The following MAP3K14 variants were observed in gnomAD, a reference collection of about 807,000 sequenced individuals.
The protein encoded by MAP3K14 is mitogen-activated protein kinase kinase kinase 14.
MAP3K14 carries 16 observed loss-of-function variants against 99.2 expected under a neutral mutation model. The ratio of observed to expected loss-of-function variants is 0.16; its 90% CI spans 0.11 to 0.24. The LOEUF is 0.24. Among genes scored for constraint, MAP3K14 ranks in the 10% least tolerant of loss-of-function variants. The pLI is 1.00. For synonymous variants in MAP3K14, 462 were observed against 492.4 expected (o/e 0.94, Z 0.82); for missense variants, 784 against 1,208.7 (o/e 0.65, Z 5.21).
At chr17:45,309,298 G>A (rs751418331) in intron 1 of MAP3K14, among the ~76,000 whole-genome samples, 2 of 152,210 alleles carry the variant, frequency 1.3e-5, no homozygotes, top group South Asian at 2.1e-4. Flanking sequence ...AATCCGAGAC[G>A]CTCTACGCCT....
chr17:45,294,587 A>G (rs993237218), intron 1 of MAP3K14, among the ~76,000 whole-genome samples: 3 of 152,234 alleles, frequency 2.0e-5, no homozygotes, highest in Admixed American at 6.5e-5. Context: ...TTCTGGCTCT[A>G]TTCTTCCACT....
At position 45,287,223 on chromosome 17, in the gene MAP3K14, A is replaced by G; in HGVS notation, c.468T>C (p.His156=). Residue 156 remains histidine (H), a synonymous_variant, in exon 4 of 16, where the codon CAT becomes CAC. Coordinates refer to ENST00000344686, the MANE Select transcript of MAP3K14 (RefSeq NM_003954.5). ...RKKKSSKSLA[H]AGVALAKPLP... ...GGGGTTTGGCCAAGGCCACTCCTGC[A>G]TGAGCCAGGGACTTTGAGCTCTTCT... 1 of 1,614,018 alleles carries G rather than the reference A, an allele frequency of 6.2e-7. No individual in the cohort carries two copies.
intron 11 of MAP3K14, among the ~76,000 whole-genome samples, chr17:45,268,922 C>T (rs1304009261): frequency 6.6e-6 from 1 of 152,192 alleles, no homozygotes; most frequent in Non-Finnish European, 1.5e-5. Flanking sequence ...GCCTTGTCCA[C>T]ATGCCCATCA....
At chr17:45,310,358 C>T (rs544071632) in intron 1 of MAP3K14, among the ~76,000 whole-genome samples, 12 of 152,294 alleles carry the variant, frequency 7.9e-5, no homozygotes, top group South Asian at 2.1e-4. Flanking sequence ...TAACTGGCAA[C>T]CACATCCTCA....
chr17:45,267,830 C>G lies in MAP3K14; in HGVS notation c.1973-71G>C, dbSNP rs2044107964. ...AGACAGCGGTCCAGGCAGGAGCGGC[C>G]TCTCCTGAGTGCAGAAGGGCTAGAG... is the stretch of plus-strand genomic sequence containing the variant. On this transcript the variant is annotated intron_variant, in intron 11 of 15. Coordinates refer to ENST00000344686, the MANE Select transcript of MAP3K14 (RefSeq NM_003954.5). This position sits in a 1 kb window ranked among gnomAD's most constrained non-coding sequence, Gnocchi z 5.1. The G allele has an allele frequency of 7.4e-7, 1 of 1,347,144 alleles. No homozygotes were observed. The highest frequency in any genetic ancestry group is 1.0e-6 in the Non-Finnish European group (1 of 968,114). 83.4% of individuals were successfully genotyped at this position (1,347,144 alleles called of 1,614,324 possible). A position where few individuals can be genotyped will look rare whatever the true frequency, so the allele number is the denominator to read the frequency against.
At chr17:45,313,298 T>C (rs1275406241) in intron 1 of MAP3K14, among the ~76,000 whole-genome samples, 1 of 151,962 alleles carries the variant, frequency 6.6e-6, no homozygotes. Flanking sequence ...ACTACTACTA[T>C]TACTACCACC....
At chr17:45,282,549 T>C (rs1411724750) in intron 6 of MAP3K14, among the ~76,000 whole-genome samples, 7 of 92,740 alleles carry the variant, frequency 7.5e-5, no homozygotes, top group Non-Finnish European at 1.2e-4. Flanking sequence ...AGCGAGATCC[T>C]GTCTCAAAAA....
intron 1 of MAP3K14, among the ~76,000 whole-genome samples, chr17:45,312,152 T>C (rs890841630): frequency 6.6e-6 from 1 of 152,212 alleles, no homozygotes; most frequent in Non-Finnish European, 1.5e-5. Flanking sequence ...CCTGCATGGG[T>C]GACTCACCTT....
At position 45,286,502 on chromosome 17, in the gene MAP3K14, C is replaced by G; in HGVS notation, c.1081G>C (p.Ala361Pro). The G allele has an allele frequency of 6.2e-7, 1 of 1,606,650 alleles. No individual in the cohort carries two copies. The highest frequency in any genetic ancestry group is 8.5e-7 in the Non-Finnish European group (1 of 1,176,670). Residue 361 changes from alanine (A) to proline (P), a missense_variant, in exon 5 of 16, where the codon GCA becomes CCA. This residue lies in a region of MAP3K14 where 138 missense variants were observed against 164.1 expected (regional missense o/e 0.84). Coordinates refer to ENST00000344686, the MANE Select transcript of MAP3K14 (RefSeq NM_003954.5). This position sits in a 1 kb window ranked among gnomAD's most constrained non-coding sequence, Gnocchi z 4.1. ...HSLTSLAKTW[A>P]ARGSRSREPS... ...TCCCGGGATCTGGAGCCCCTTGCTG[C>G]CCAGGTCTTGGCCAGGCTGGTCAGG...
intron 1 of MAP3K14, among the ~76,000 whole-genome samples, chr17:45,307,285 T>A (rs1026212425): frequency 1.3e-5 from 2 of 151,848 alleles, no homozygotes; most frequent in Admixed American, 1.3e-4. Context: ...AATTAATTAA[T>A]TAATTAATTA....
intron 1 of MAP3K14, among the ~76,000 whole-genome samples, chr17:45,304,734 CAT>C (rs1476905138): frequency 2.0e-5 from 3 of 152,314 alleles, no homozygotes; most frequent in Admixed American, 6.5e-5. Context: ...TTTCTTCCAA[CAT>C]ATTACTTACT....
Position 45,274,129 on chromosome 17 carries a change from C to T in MAP3K14, c.1546G>A (p.Val516Ile), listed in dbSNP as rs367938510. The T allele has an allele frequency of 1.7e-3, 2,669 of 1,609,690 alleles. 6 individuals carry two copies. Among genetic ancestry groups the T allele is most frequent in the South Asian group, 2.9e-3 (257 of 90,036 alleles). Reference protein sequence around the residue: ...LHSRRILHGDVKADNVLLSSD... With the variant: ...LHSRRILHGDIKADNVLLSSD... ...CGTGGGGCCTGGGCCTTACCTTTGA[C>T]GTCCCCATGCAGAATCCTTCGTGAG... The change falls in exon 8 of 16, where the codon GTC becomes ATC. Residue 516 changes from valine (V) to isoleucine (I), a missense_variant. By Grantham distance (29) the Val-to-Ile change is conservative. Around this residue, in one of 5 missense-constraint regions of MAP3K14, gnomAD observed 200 missense variants for 367.9 expected, o/e 0.54. Transcript: ENST00000344686.
intron 3 of MAP3K14, among the ~76,000 whole-genome samples, chr17:45,287,818 G>A (rs11574817): frequency 0.034 from 5,216 of 152,270 alleles, 122 homozygotes; most frequent in Middle Eastern, 0.088. Context: ...ACTGAGCAGA[G>A]CTTGTTTCTG....
intron 1 of MAP3K14, among the ~76,000 whole-genome samples, chr17:45,293,276 T>C (rs1342719107): frequency 6.6e-6 from 1 of 152,202 alleles, no homozygotes; most frequent in African/African-American, 2.4e-5. Context: ...GAGATCTGGC[T>C]GTGTGGGGGC....
intron 1 of MAP3K14, among the ~76,000 whole-genome samples, chr17:45,310,168 G>A (rs1422170950): frequency 1.3e-5 from 2 of 151,816 alleles, no homozygotes; most frequent in South Asian, 2.1e-4. Flanking sequence ...CGAGTAGCTG[G>A]GATTACAGGC....
chr17:45,282,742 T>C (rs554647414), intron 6 of MAP3K14, among the ~76,000 whole-genome samples: 1 of 152,230 alleles, frequency 6.6e-6, no homozygotes, highest in African/African-American at 2.4e-5. Context: ...GGGCACAGAC[T>C]TGCTCTGATC....
intron 1 of MAP3K14, among the ~76,000 whole-genome samples, chr17:45,305,394 C>A (rs993721079): frequency 1.4e-5 from 2 of 142,668 alleles, no homozygotes; most frequent in South Asian, 2.2e-4. Context: ...CAGCGCCCGG[C>A]CGTTTTTTTT....
chr17:45,281,051 T>A (rs16939948), intron 6 of MAP3K14, among the ~76,000 whole-genome samples: 1 of 152,106 alleles, frequency 6.6e-6, no homozygotes, highest in African/African-American at 2.4e-5. Flanking sequence ...TGTCATATTA[T>A]TGCATGAAAA....
Position 45,287,173 on chromosome 17 carries a change from C to T in MAP3K14, c.518G>A (p.Ser173Asn). ...TCTCACCTGCACTGGGATGGTGCAG[C>T]TCTCCTGCTCAGGGGTCCTGGGGAG... ...KPLPRTPEQE[S>N]CTIPVQEDES... Residue 173 changes from serine to asparagine, a missense_variant, in exon 4 of 16, where the codon AGC becomes AAC. This residue lies in a region of MAP3K14 where 188 missense variants were observed against 313.0 expected (regional missense o/e 0.60). Coordinates refer to ENST00000344686, the MANE Select transcript of MAP3K14 (RefSeq NM_003954.5). 1 of 1,613,738 alleles carries T rather than the reference C, an allele frequency of 6.2e-7. No individual in the cohort carries two copies. The highest frequency in any genetic ancestry group is 8.5e-7 in the Non-Finnish European group (1 of 1,179,756).
Sources: gnomAD v4.1 joint callset for allele counts (sites outside exome capture counted in the v4.1 genomes callset) on GRCh38, gnomAD v4.1.1 for gene constraint, gnomAD v4.1.1 regional missense constraint, Gnocchi (gnomAD v3.1) non-coding constraint, MANE v1.5 for transcripts, NCBI Gene and HGNC (gene_info 2026-07-23, HGNC 2026-07-21) for gene names.